Variants in ZNF564 observed in about 807,000 individuals in gnomAD.
The protein encoded by ZNF564 is zinc finger protein 564.
Under a neutral mutation model 10.5 loss-of-function variants are expected in ZNF564, and 5 were observed. That is an observed-to-expected ratio of 0.48 (90% CI 0.25 to 1.00). The LOEUF is 1.00. Ranked by LOEUF, ZNF564 falls within the 50% of genes least tolerant of loss-of-function variation. The pLI, the probability that ZNF564 is intolerant of heterozygous loss-of-function variation, is 0.16. For synonymous variants in ZNF564, 242 were observed against 218.1 expected, an observed-to-expected ratio of 1.11 and a Z score of -0.97; for missense variants, 603 against 669.7, an observed-to-expected ratio of 0.90 and a Z score of 1.10.
At chr19:12,548,166 A>G (rs1220467828) in intron 1 of ZNF564, 1 of 983,682 alleles carries the variant, frequency 1.0e-6, no homozygotes, top group Non-Finnish European at 1.2e-6. Context: ...AAATCACTCA[A>G]ACTTACCATT....
intron 1 of ZNF564, chr19:12,548,683 C>A: frequency 1.5e-6 from 1 of 647,238 alleles, no homozygotes; most frequent in Non-Finnish European, 2.8e-6. Flanking sequence ...GCACATTTAT[C>A]TATCCCTTTC....
At chr19:12,551,295 C>A (rs999113198) in intron 1 of ZNF564, 35 bp downstream of exon 1, 1 of 1,601,030 alleles carries the variant, frequency 6.2e-7, no homozygotes, top group Non-Finnish European at 8.5e-7. Context: ...CAAGCCCCTC[C>A]CCCAGTCTCC....
At chr19:12,534,675 A>G (rs1258798906) in intron 1 of ZNF564, among the ~76,000 whole-genome samples, 1 of 152,182 alleles carries the variant, frequency 6.6e-6, no homozygotes, top group East Asian at 1.9e-4. Context: ...TTAGCTGGGC[A>G]TGGTGGCACA....
intron 1 of ZNF564, among the ~76,000 whole-genome samples, chr19:12,541,903 T>C (rs966666892): frequency 6.8e-6 from 1 of 146,788 alleles, no homozygotes; most frequent in Non-Finnish European, 1.5e-5. Flanking sequence ...TAATCCCAGA[T>C]ACTCAGGAGG....
At chr19:12,545,626 C>T (rs2022136965) in intron 1 of ZNF564, among the ~76,000 whole-genome samples, 1 of 152,164 alleles carries the variant, frequency 6.6e-6, no homozygotes. Flanking sequence ...ATAATCTCCT[C>T]CTCGGGTTCA....
intron 1 of ZNF564, among the ~76,000 whole-genome samples, chr19:12,543,419 G>A (rs1208117006): frequency 6.6e-6 from 1 of 151,810 alleles, no homozygotes; most frequent in Non-Finnish European, 1.5e-5. Context: ...GCTCATGCCT[G>A]TAATCCCAGC....
chr19:12,541,249 C>A (rs1287413073), intron 1 of ZNF564, among the ~76,000 whole-genome samples: 2 of 151,582 alleles, frequency 1.3e-5, no homozygotes, highest in African/African-American at 2.4e-5. Flanking sequence ...TAAGACCCTG[C>A]CTCAAAAAAC....
chr19:12,542,282 C>G (rs1363878632), intron 1 of ZNF564, among the ~76,000 whole-genome samples: 1 of 138,446 alleles, frequency 7.2e-6, no homozygotes, highest in East Asian at 2.1e-4. Context: ...ACACTCCAGC[C>G]TGGGTAACAG....
At chr19:12,542,455 T>C (rs187468704) in intron 1 of ZNF564, among the ~76,000 whole-genome samples, 118 of 150,712 alleles carry the variant, frequency 7.8e-4, no homozygotes, top group African/African-American at 2.8e-3. Context: ...TAATGAAACC[T>C]CAACCAAAAT....
intron 1 of ZNF564, among the ~76,000 whole-genome samples, chr19:12,538,197 AAAT>A (rs201795757): frequency 6.6e-6 from 1 of 152,182 alleles, no homozygotes; most frequent in East Asian, 1.9e-4. Context: ...GTAAAATATA[AAAT>A]AATATTAGCT....
rs977441824 is a variant in ZNF564 at position 12,527,594 on chromosome 19, G to C, written c.514C>G (p.Pro172Ala). 1 of 1,614,040 alleles carries C rather than the reference G, an allele frequency of 6.2e-7. No individual in the cohort carries two copies. The highest frequency in any genetic ancestry group is 8.5e-7 in the Non-Finnish European group (1 of 1,179,996). Reference sequence around the variant, plus strand: ...GAAATGAAGGCTTTCCCACATTCCGGACATGCATAGGGTTTCTCACCAGTG... The same window carrying C: ...GAAATGAAGGCTTTCCCACATTCCGCACATGCATAGGGTTTCTCACCAGTG... ...THTGEKPYACPECGKAFISLP... is the reference protein window; with the variant it reads ...THTGEKPYACAECGKAFISLP... Residue 172 changes from proline (P) to alanine (A), a missense_variant, in exon 4 of 4, where the codon CCG becomes GCG. Coordinates refer to ENST00000339282, the MANE Select transcript of ZNF564 (RefSeq NM_144976.4).
At chr19:12,538,603 C>A (rs1227407946) in intron 1 of ZNF564, among the ~76,000 whole-genome samples, 1 of 151,502 alleles carries the variant, frequency 6.6e-6, no homozygotes, top group Admixed American at 6.6e-5. Context: ...CCAGCCTGGG[C>A]AACACAGCAA....
At chr19:12,536,028 A>AT (rs2021904592) in intron 1 of ZNF564, among the ~76,000 whole-genome samples, 4 of 147,124 alleles carry the variant, frequency 2.7e-5, no homozygotes, top group African/African-American at 7.5e-5. Context: ...AAAAAAAAAA[A>AT]TAGGGCAAAC....
At chr19:12,551,273 G>GGCCGGTTCCC in intron 1 of ZNF564, 57 bp downstream of exon 1, 1 of 1,578,070 alleles carries the variant, frequency 6.3e-7, no homozygotes, top group Admixed American at 1.8e-5. Context: ...AGCCGGTTCC[G>GGCCGGTTCCC]GCCGGTTCCC....
Position 12,526,813 on chromosome 19 carries a change from G to C in ZNF564, c.1295C>G (p.Ser432Cys). The C allele has an allele frequency of 6.2e-7, 1 of 1,613,800 alleles. No individual in the cohort carries two copies. The highest frequency in any genetic ancestry group is 8.5e-7 in the Non-Finnish European group (1 of 1,179,926). Reference protein sequence around the residue: ...ECQVCGKAFISLKRIRKHMIL... With the variant: ...ECQVCGKAFICLKRIRKHMIL... ...CATATGTTTTCTAATCCTTTTAAGAGAAATGAAGGCTTTCCCACATACCTG... is the reference window on the plus strand; with the variant it reads ...CATATGTTTTCTAATCCTTTTAAGACAAATGAAGGCTTTCCCACATACCTG... The change falls in exon 4 of 4, where the codon TCT (serine) becomes TGT (cysteine). Residue 432 changes from serine to cysteine, a missense_variant. Transcript: ENST00000339282.
At chr19:12,535,702 A>G (rs899306051) in intron 1 of ZNF564, among the ~76,000 whole-genome samples, 3 of 152,198 alleles carry the variant, frequency 2.0e-5, no homozygotes, top group African/African-American at 4.8e-5. Context: ...AATGTACCAC[A>G]GTAATACAAT....
chr19:12,541,601 G>C (rs2022050912), intron 1 of ZNF564: 1 of 151,800 alleles, frequency 6.6e-6, no homozygotes, highest in African/African-American at 2.4e-5. Context: ...AAATGGCATA[G>C]ATCCTTAGAA....
At position 12,526,231 on chromosome 19, in the gene ZNF564, T is replaced by C. The variant is rs2145061816; in HGVS notation, c.*215A>G. 3 of 493,244 alleles carry C rather than the reference T, an allele frequency of 6.1e-6. No homozygotes were observed. The South Asian group carries it at 9.7e-5, about 16-fold the overall frequency. 30.6% of individuals were successfully genotyped at this position (493,244 alleles called of 1,614,324 possible). A position where few individuals can be genotyped will look rare whatever the true frequency, so the allele number is the denominator to read the frequency against. ...TCAGATATGGATGAGACTCAATTCATGCTGAGGCAAAATTCTTCTTCAGCT... is the reference window on the plus strand; with the variant it reads ...TCAGATATGGATGAGACTCAATTCACGCTGAGGCAAAATTCTTCTTCAGCT... On this transcript the variant is annotated 3_prime_UTR_variant, in exon 4 of 4. Transcript: ENST00000339282.
chr19:12,526,594 T>C lies in ZNF564; in HGVS notation c.1514A>G (p.Tyr505Cys). 3 of 1,614,162 alleles carry C rather than the reference T, an allele frequency of 1.9e-6. No homozygotes were observed. Among genetic ancestry groups the C allele is most frequent in the African/African-American group, 1.3e-5 (1 of 75,052 alleles). The change falls in exon 4 of 4, where the codon TAT (tyrosine) becomes TGT (cysteine). Residue 505 changes from tyrosine (Y) to cysteine (C), a missense_variant. Tyr to Cys is a radical substitution (Grantham distance 194). Transcript: ENST00000339282. ...HERTHTGEKPYECKQCGKTFS... is the reference protein window; with the variant it reads ...HERTHTGEKPCECKQCGKTFS... ...CGTTTTTCCACATTGCTTACATTCA[T>C]AGGGTTTTTCTCCGGTATGAGTTCT...
Sources: gnomAD v4.1 joint callset for allele counts (sites outside exome capture counted in the v4.1 genomes callset) on GRCh38, gnomAD v4.1.1 for gene constraint, MANE v1.5 for transcripts, NCBI Gene and HGNC (gene_info 2026-07-23, HGNC 2026-07-21) for gene names.